Variants in CLIC5 observed in about 807,000 individuals in gnomAD.
The protein encoded by CLIC5 is chloride intracellular channel protein 5.
In CLIC5, 20 loss-of-function variants were observed where a neutral mutation model predicts 24.7. The ratio of observed to expected loss-of-function variants is 0.81; its 90% CI spans 0.57 to 1.18. The LOEUF (loss-of-function observed/expected upper bound fraction) is 1.18. Among genes scored for constraint, CLIC5 ranks in the 50% most tolerant of loss-of-function variants. CLIC5 has a pLI of 0.00. For missense variants in CLIC5, 341 were observed against 326.1 expected (o/e 1.05, Z -0.35); for synonymous variants, 159 against 135.6 (o/e 1.17, Z -1.20).
At chr6:45,911,943 T>C (rs1470018736) in intron 5 of CLIC5, 5 of 985,292 alleles carry the variant, frequency 5.1e-6, no homozygotes, top group Non-Finnish European at 6.0e-6. Context: ...CAAACTCTCA[T>C]GGAGAGCCTG....
At chr6:46,125,694 G>A in the CLIC5 span, among the ~76,000 whole-genome samples, 2 of 152,056 alleles carry the variant, frequency 1.3e-5, no homozygotes, top group East Asian at 1.9e-4. Flanking sequence ...TTGGACCCAC[G>A]TGCTCAATGT....
Position 45,953,065 on chromosome 6 carries a change from A to G in CLIC5, c.173+2070T>C, listed in dbSNP as rs565031676. On this transcript the variant is annotated intron_variant, in intron 2 of 5. Transcript: ENST00000339561. ...AAGGTCTCATTTGAAAGATGAAACA[A>G]ACTTCATAACTGAGGTATTATGAAG... Among the ~76,000 whole-genome samples the G allele has an allele frequency of 5.9e-5, 9 of 152,286 alleles. No individual in the cohort carries two copies. In the South Asian group the frequency reaches 1.9e-3, roughly 32 times the overall value.
At chr6:46,125,020 G>A in the CLIC5 span, among the ~76,000 whole-genome samples, 3 of 152,182 alleles carry the variant, frequency 2.0e-5, no homozygotes, top group East Asian at 1.9e-4. Context: ...ACAGTGTGGC[G>A]ATTCCTCAGG....
intron 1 of CLIC5, among the ~76,000 whole-genome samples, chr6:45,960,993 A>G (rs1254095145): frequency 6.6e-6 from 1 of 152,166 alleles, no homozygotes; most frequent in African/African-American, 2.4e-5. Flanking sequence ...TTAAAACTTC[A>G]TGTTGAATTT....
At chr6:45,942,733 C>G (rs1263988577) in intron 3 of CLIC5, among the ~76,000 whole-genome samples, 1 of 152,236 alleles carries the variant, frequency 6.6e-6, no homozygotes, top group Non-Finnish European at 1.5e-5. Flanking sequence ...TGTTACTCAA[C>G]TGGCCCATGA....
chr6:46,120,742 C>T, the CLIC5 span, among the ~76,000 whole-genome samples: 2 of 152,076 alleles, frequency 1.3e-5, no homozygotes, highest in African/African-American at 4.8e-5. Context: ...CTTAAAGGAC[C>T]TGATGGAGCT....
chr6:46,057,407 T>C (rs1460886358), intron 1 of CLIC5, among the ~76,000 whole-genome samples: 1 of 152,192 alleles, frequency 6.6e-6, no homozygotes, highest in Non-Finnish European at 1.5e-5. Flanking sequence ...TGACTCTGAG[T>C]CCTCCCCAGC....
In CLIC5 at chr6:45,914,414, C is replaced by T. The variant is rs755471072; in HGVS notation, c.407-5G>A. 6 of 1,559,528 alleles carry T rather than the reference C, an allele frequency of 3.8e-6. No homozygotes were observed. Among genetic ancestry groups the T allele is most frequent in the Non-Finnish European group, 4.4e-6 (5 of 1,143,204 alleles). On this transcript the variant is annotated splice_region_variant and splice_polypyrimidine_tract_variant and intron_variant, in intron 4 of 5. Coordinates refer to ENST00000339561, the MANE Select transcript of CLIC5 (RefSeq NM_016929.5). ...TGGTTAGGCCTCTTTCAAGAGCTGG[C>T]ATGAAAGAGTAAAAGGGCCTTTATT...
chr6:46,125,319 C>G, the CLIC5 span, among the ~76,000 whole-genome samples: 1 of 152,128 alleles, frequency 6.6e-6, no homozygotes, highest in Non-Finnish European at 1.5e-5. Context: ...AGCAAACTAT[C>G]GCAAGGACAA....
At chr6:45,938,841 T>C (rs1764028881) in intron 4 of CLIC5, among the ~76,000 whole-genome samples, 1 of 152,184 alleles carries the variant, frequency 6.6e-6, no homozygotes, top group Non-Finnish European at 1.5e-5. Context: ...GAGGAAAGGA[T>C]ACTGGGTGTG....
chr6:46,097,108 T>A, the CLIC5 span: 1 of 152,206 alleles, frequency 6.6e-6, no homozygotes, highest in Non-Finnish European at 1.5e-5. Flanking sequence ...TCTAAACAAA[T>A]TTTTGACTAT....
intron 1 of CLIC5, among the ~76,000 whole-genome samples, chr6:46,007,805 GA>G (rs973755742): frequency 2.1e-4 from 31 of 147,048 alleles, no homozygotes; most frequent in Admixed American, 8.1e-4. Context: ...ACATTTTATA[GA>G]AAAAAAAAAC....
intron 4 of CLIC5, among the ~76,000 whole-genome samples, chr6:45,929,699 A>G (rs1763652009): frequency 6.6e-6 from 1 of 152,156 alleles, no homozygotes; most frequent in South Asian, 2.1e-4. Flanking sequence ...TGGCCTGATA[A>G]CAGCCCACCG....
chr6:46,124,032 C>T, the CLIC5 span, among the ~76,000 whole-genome samples: 50 of 152,262 alleles, frequency 3.3e-4, no homozygotes, highest in African/African-American at 1.2e-3. Context: ...GATTCATTGC[C>T]ATCCCCATCA....
chr6:45,898,762 T>A lies in CLIC5; in HGVS notation c.*4326A>T, dbSNP rs1248652490. 3 of 152,624 alleles carry A rather than the reference T, an allele frequency of 2.0e-5. No homozygotes were observed. The highest frequency in any genetic ancestry group is 4.4e-5 in the Non-Finnish European group (3 of 68,034). 9.5% of individuals were successfully genotyped at this position (152,624 alleles called of 1,614,324 possible). ...CAGCTTATAAAATAGGACAACGAGG[T>A]GGCCAGGAAAGTAAGACAAATTCAA... On this transcript the variant is annotated 3_prime_UTR_variant, in exon 6 of 6. Coordinates refer to ENST00000339561, the MANE Select transcript of CLIC5 (RefSeq NM_016929.5).
At chr6:45,969,712 C>T (rs1347461832) in intron 1 of CLIC5, among the ~76,000 whole-genome samples, 1 of 151,896 alleles carries the variant, frequency 6.6e-6, no homozygotes, top group African/African-American at 2.4e-5. Flanking sequence ...TCATTTTATT[C>T]CCTTAAAAGA....
intron 1 of CLIC5, among the ~76,000 whole-genome samples, chr6:45,967,425 GC>G (rs937978142): frequency 2.6e-5 from 4 of 152,204 alleles, no homozygotes; most frequent in African/African-American, 9.6e-5. Flanking sequence ...ACAGGAAGGA[GC>G]CCACCTAAGG....
chr6:45,886,879 A>G (rs1284610220), intron 6 of CLIC5, among the ~76,000 whole-genome samples: 1 of 152,162 alleles, frequency 6.6e-6, no homozygotes, highest in Non-Finnish European at 1.5e-5. Context: ...CAAAACAATG[A>G]TAGGGAGCTA....
rs572693749 is a variant in CLIC5, at chr6:45,967,845, T to C, written c.64-12601A>G. ...TTTAAACCACAGCTCTCCTGTGAACTATCAGAGCGAGAACTCACTCATTAC... is the reference window on the plus strand; with the variant it reads ...TTTAAACCACAGCTCTCCTGTGAACCATCAGAGCGAGAACTCACTCATTAC... On this transcript the variant is annotated intron_variant, in intron 1 of 5. Coordinates refer to ENST00000339561, the MANE Select transcript of CLIC5 (RefSeq NM_016929.5). 5.5e-4 allele frequency among the ~76,000 whole-genome samples: 84 copies of C among 152,180 alleles called. 1 individual carries two copies. The South Asian group carries it at 0.016, about 29-fold the overall frequency.
Sources: gnomAD v4.1 joint callset for allele counts (sites outside exome capture counted in the v4.1 genomes callset) on GRCh38, gnomAD v4.1.1 for gene constraint, MANE v1.5 for transcripts, NCBI Gene and HGNC (gene_info 2026-07-23, HGNC 2026-07-21) for gene names.